BANK1: variants seen among roughly 807,000 people sequenced by gnomAD.
The protein encoded by BANK1 is B-cell scaffold protein with ankyrin repeats.
Under a neutral mutation model 94.5 loss-of-function variants are expected in BANK1, and 95 were observed. The ratio of observed to expected loss-of-function variants is 1.00; its 90% CI spans 0.85 to 1.19. The LOEUF (loss-of-function observed/expected upper bound fraction) is 1.19. Ranked by LOEUF, BANK1 falls within the 50% of genes most tolerant of loss-of-function variation. The pLI is 0.00. For synonymous variants in BANK1, 334 were observed against 308.4 expected, an observed-to-expected ratio of 1.08 and a Z score of -0.87; for missense variants, 987 against 932.2, an observed-to-expected ratio of 1.06 and a Z score of -0.77.
rs1015811580 is a variant in BANK1 at position 101,791,098 on chromosome 4, A to G, written c.70+148A>G. 7.3e-6 allele frequency: 5 copies of G among 685,340 alleles called. No homozygotes were observed. In the Admixed American group the frequency reaches 1.4e-4, roughly 19 times the overall value. 42.5% of individuals were successfully genotyped at this position (685,340 alleles called of 1,614,324 possible). Reference sequence around the variant, plus strand: ...GGCTTCTCCTTTTTATCCTGCCGCCAGGCAGCCCAGAGGGTTCTTCTGTCC... The same window carrying G: ...GGCTTCTCCTTTTTATCCTGCCGCCGGGCAGCCCAGAGGGTTCTTCTGTCC... On this transcript the variant is annotated intron_variant, in intron 1 of 16. Coordinates refer to ENST00000322953, the MANE Select transcript of BANK1 (RefSeq NM_017935.5).
At chr4:102,008,209 C>T (rs1268232854) in intron 7 of BANK1, among the ~76,000 whole-genome samples, 1 of 152,146 alleles carries the variant, frequency 6.6e-6, no homozygotes, top group Middle Eastern at 3.2e-3. Flanking sequence ...AGATTTGAAT[C>T]TCTGCTTTAT....
intron 7 of BANK1, among the ~76,000 whole-genome samples, chr4:102,002,689 G>A (rs1027614328): frequency 4.6e-5 from 7 of 151,848 alleles, no homozygotes; most frequent in East Asian, 1.9e-4. Context: ...CACAGCTTTC[G>A]GCCTCAGAAT....
chr4:101,955,121 A>G (rs1302143407), intron 7 of BANK1, among the ~76,000 whole-genome samples: 4 of 152,192 alleles, frequency 2.6e-5, no homozygotes, highest in South Asian at 2.1e-4. Context: ...AGGGGATGAT[A>G]GATTAGCTGT....
chr4:102,051,928 C>T (rs1350872538), intron 11 of BANK1, among the ~76,000 whole-genome samples: 1 of 151,992 alleles, frequency 6.6e-6, no homozygotes, highest in South Asian at 2.1e-4. Flanking sequence ...AATCATGTCC[C>T]GCCTCTATCG....
Position 101,858,749 on chromosome 4 carries a change from C to T in BANK1, c.624+3560C>T, listed in dbSNP as rs190479647. On this transcript the variant is annotated intron_variant, in intron 3 of 16. Coordinates refer to ENST00000322953, the MANE Select transcript of BANK1 (RefSeq NM_017935.5). ...AAGTCATCGTGCAACCACAAAAGACCGTTAAAGTGGCTTTATCAGCATTTG... is the reference window on the plus strand; with the variant it reads ...AAGTCATCGTGCAACCACAAAAGACTGTTAAAGTGGCTTTATCAGCATTTG... Among the ~76,000 whole-genome samples, 137 of 152,160 alleles carry T rather than the reference C, an allele frequency of 9.0e-4. 2 individuals are homozygous for T. The East Asian group carries it at 0.015, about 17-fold the overall frequency.
intron 3 of BANK1, among the ~76,000 whole-genome samples, chr4:101,860,243 T>G (rs1166662542): frequency 6.6e-6 from 1 of 152,144 alleles, no homozygotes; most frequent in Non-Finnish European, 1.5e-5. Context: ...CAGCAGAATA[T>G]TAAACCAAAT....
chr4:101,986,869 GTGTA>G (rs1177939009), intron 7 of BANK1, among the ~76,000 whole-genome samples: 922 of 26,716 alleles, frequency 0.035, 41 homozygotes, highest in East Asian at 0.11. Flanking sequence ...ATATATATGT[GTGTA>G]TGTGTGTGTG....
intron 2 of BANK1, among the ~76,000 whole-genome samples, chr4:101,835,365 A>G (rs1288576748): frequency 1.3e-5 from 2 of 152,164 alleles, no homozygotes; most frequent in Non-Finnish European, 2.9e-5. Context: ...TGGACCAGGC[A>G]TGCTGGTTTG....
intron 13 of BANK1, 97 bp downstream of exon 13, chr4:102,063,235 C>A: frequency 9.3e-7 from 1 of 1,078,142 alleles, no homozygotes; most frequent in South Asian, 1.5e-5. Flanking sequence ...AAATCTAAAC[C>A]TCAACAATTC....
At chr4:101,956,793 T>G (rs1724360635) in intron 7 of BANK1, among the ~76,000 whole-genome samples, 1 of 152,230 alleles carries the variant, frequency 6.6e-6, no homozygotes, top group Non-Finnish European at 1.5e-5. Flanking sequence ...TTTGTTTGTT[T>G]GTTTTTTCTC....
At chr4:101,828,623 G>T (rs923436598) in intron 1 of BANK1, among the ~76,000 whole-genome samples, 2 of 151,844 alleles carry the variant, frequency 1.3e-5, no homozygotes, top group Non-Finnish European at 2.9e-5. Context: ...ATTCATCCAT[G>T]TTGCATGTAG....
chr4:101,984,623 C>T lies in BANK1; in HGVS notation c.1207-36891C>T, dbSNP rs575531410. Among the ~76,000 whole-genome samples, 4 of 152,142 alleles carry T rather than the reference C, an allele frequency of 2.6e-5. No homozygotes were observed. The East Asian group carries it at 7.7e-4, about 29-fold the overall frequency. On this transcript the variant is annotated intron_variant, in intron 7 of 16. Transcript: ENST00000322953. ...ATAACAGTAATTCTTAGGGAACCAACTTAATTAAAGACAGAATTTCAATTA... is the reference window on the plus strand; with the variant it reads ...ATAACAGTAATTCTTAGGGAACCAATTTAATTAAAGACAGAATTTCAATTA...
chr4:101,806,270 A>G (rs920782517), intron 1 of BANK1, among the ~76,000 whole-genome samples: 6 of 151,974 alleles, frequency 3.9e-5, no homozygotes, highest in African/African-American at 1.4e-4. Context: ...TTACATTTTC[A>G]TGGCTATTTG....
intron 10 of BANK1, among the ~76,000 whole-genome samples, chr4:102,034,651 T>A (rs1727439677): frequency 6.6e-6 from 1 of 152,224 alleles, no homozygotes; most frequent in African/African-American, 2.4e-5. Flanking sequence ...GTTGGCTTAG[T>A]CATCTTCTTA....
At chr4:102,064,368 T>G (rs1728521494) in intron 13 of BANK1, among the ~76,000 whole-genome samples, 1 of 152,154 alleles carries the variant, frequency 6.6e-6, no homozygotes, top group Admixed American at 6.5e-5. Flanking sequence ...AGATTAAAAT[T>G]TTAATGATTT....
At chr4:101,827,800 C>T (rs1726421928) in intron 1 of BANK1, among the ~76,000 whole-genome samples, 1 of 151,772 alleles carries the variant, frequency 6.6e-6, no homozygotes, top group Non-Finnish European at 1.5e-5. Flanking sequence ...AATACTATTC[C>T]ACACTTCTAA....
chr4:101,813,915 A>G, intron 1 of BANK1: 2 of 984,780 alleles, frequency 2.0e-6, no homozygotes, highest in Non-Finnish European at 2.4e-6. Context: ...TGATGAGTAG[A>G]AATTCAGCCT....
intron 5 of BANK1, among the ~76,000 whole-genome samples, chr4:101,883,234 A>G (rs1728738989): frequency 6.6e-6 from 1 of 152,240 alleles, no homozygotes; most frequent in African/African-American, 2.4e-5. Context: ...TCATTGAACT[A>G]AACAGAAGCA....
chr4:101,896,315 T>C (rs1722077589), intron 6 of BANK1, among the ~76,000 whole-genome samples: 1 of 151,982 alleles, frequency 6.6e-6, no homozygotes. Context: ...CTAAAGAATG[T>C]AAGAAGTCTA....
Sources: allele counts gnomAD v4.1 joint callset (sites outside exome capture counted in the v4.1 genomes callset), GRCh38; gene constraint gnomAD v4.1.1; transcripts MANE v1.5; gene names NCBI Gene and HGNC (gene_info 2026-07-23, HGNC 2026-07-21).